ACACA: variants seen among roughly 807,000 people sequenced by gnomAD.
The protein encoded by ACACA is acetyl-CoA carboxylase 1.
In ACACA, 103 loss-of-function variants were observed where a neutral mutation model predicts 296.1. The observed-to-expected ratio is 0.35, with a 90% CI of 0.30 to 0.41. The LOEUF is 0.41. ACACA is among the 10% of genes least tolerant of loss of function. The pLI, the probability that ACACA is intolerant of heterozygous loss-of-function variation, is 1.00. For synonymous variants in ACACA, 953 were observed against 1,038.6 expected, an observed-to-expected ratio of 0.92 and a Z score of 1.58; for missense variants, 1,554 against 2,989.7, an observed-to-expected ratio of 0.52 and a Z score of 11.20.
chr17:37,269,051 A>G (rs1363054761), intron 10 of ACACA, among the ~76,000 whole-genome samples: 1 of 151,154 alleles, frequency 6.6e-6, no homozygotes, highest in Non-Finnish European at 1.5e-5. Flanking sequence ...AAATGTAAAA[A>G]AAAAAAAAAA....
chr17:37,127,060 G>A (rs1254130051), intron 47 of ACACA, among the ~76,000 whole-genome samples: 2 of 152,044 alleles, frequency 1.3e-5, no homozygotes, highest in African/African-American at 2.4e-5. Flanking sequence ...GAATTACTAG[G>A]GAGTCAATGA....
At chr17:37,222,314 C>T (rs982848821) in intron 28 of ACACA, among the ~76,000 whole-genome samples, 1 of 152,136 alleles carries the variant, frequency 6.6e-6, no homozygotes, top group South Asian at 2.1e-4. Context: ...CTTTGTCTTG[C>T]GTCCTCCCCG....
At chr17:37,327,427 A>T (rs1413484428) in intron 3 of ACACA, among the ~76,000 whole-genome samples, 1 of 152,196 alleles carries the variant, frequency 6.6e-6, no homozygotes, top group Admixed American at 6.5e-5. Context: ...TGGAACTGGC[A>T]TTGTCTCCTT....
rs780454825 is a variant in ACACA at position 37,113,141 on chromosome 17, A to C, written c.6399T>G (p.Ile2133Met). The change falls in exon 51 of 56, where the codon ATT becomes ATG. Residue 2133 changes from isoleucine to methionine, a missense_variant. By Grantham distance (10) the Ile-to-Met change is conservative. Coordinates refer to ENST00000616317, the MANE Select transcript of ACACA (RefSeq NM_198834.3). The surrounding 1 kb of genome is among the most constrained non-coding windows in gnomAD (Gnocchi z 4.0). ...AELRGGSWVV[I>M]DSSINPRHME... is the part of the protein sequence containing the mutation. ...TGTGCCGGGGGTTGATGGAGGAGTC[A>C]ATCACCACCCAGGAGCCACCCCGCA... 25 of 1,614,066 alleles carry C rather than the reference A, an allele frequency of 1.5e-5. No individual in the cohort carries two copies. Among genetic ancestry groups the C allele is most frequent in the Non-Finnish European group, 2.1e-5 (25 of 1,180,030 alleles).
At chr17:37,381,878 T>C (rs140941681) in intron 1 of ACACA, among the ~76,000 whole-genome samples, 6,320 of 151,368 alleles carry the variant, frequency 0.042, 342 homozygotes, top group African/African-American at 0.12. Context: ...CTGCCCGCCT[T>C]GGCCTCCCAA....
rs904691015 is a variant in ACACA at position 37,210,612 on chromosome 17, G to C, written c.3684-122C>G. On this transcript the variant is annotated intron_variant, in intron 29 of 55. Transcript: ENST00000616317. ...AGTTTGGCAGCTCTGGCATTCAGCA[G>C]ACATAATTAAGTGCTCATTACCCTT... 48 of 899,996 alleles carry C rather than the reference G, an allele frequency of 5.3e-5. No homozygotes were observed. In the African/African-American group the frequency reaches 5.4e-4, roughly 10 times the overall value. 55.8% of individuals were successfully genotyped at this position (899,996 alleles called of 1,614,324 possible). A position where few individuals can be genotyped will look rare whatever the true frequency, so the allele number is the denominator to read the frequency against.
At chr17:37,217,125 G>A (rs2079035120) in intron 29 of ACACA, among the ~76,000 whole-genome samples, 1 of 151,814 alleles carries the variant, frequency 6.6e-6, no homozygotes, top group East Asian at 1.9e-4. Context: ...GTGGGGTGTG[G>A]TGGTGTACGC....
intron 1 of ACACA, 107 bp downstream of exon 1, chr17:37,406,155 G>A: frequency 1.6e-6 from 2 of 1,277,762 alleles, no homozygotes; most frequent in South Asian, 2.4e-5. Context: ...AAATGAGACC[G>A]TATGTGTAAC....
intron 49 of ACACA, 122 bp from the exon 50 acceptor site, chr17:37,121,612 T>C: frequency 8.0e-7 from 1 of 1,249,820 alleles, no homozygotes; most frequent in Non-Finnish European, 1.1e-6. Context: ...ACAAAAACTA[T>C]TGTTCATCAA....
intron 54 of ACACA, among the ~76,000 whole-genome samples, chr17:37,094,792 G>C (rs1173168934): frequency 6.6e-6 from 1 of 152,226 alleles, no homozygotes; most frequent in East Asian, 1.9e-4. Context: ...CTCACGTTCA[G>C]TCCTTGGCAT....
chr17:37,381,840 G>C (rs1053573394), intron 1 of ACACA, among the ~76,000 whole-genome samples: 12 of 151,442 alleles, frequency 7.9e-5, no homozygotes, highest in Non-Finnish European at 1.5e-4. Flanking sequence ...TGTTGGCCAG[G>C]ATGGTCTCGA....
intron 30 of ACACA, among the ~76,000 whole-genome samples, chr17:37,208,278 T>C (rs1471154724): frequency 1.3e-5 from 2 of 152,178 alleles, no homozygotes; most frequent in African/African-American, 2.4e-5. Context: ...GAGATAGGTA[T>C]ATATATGTAT....
chr17:37,177,202 T>C (rs907477223), intron 41 of ACACA, among the ~76,000 whole-genome samples: 11 of 152,048 alleles, frequency 7.2e-5, no homozygotes, highest in African/African-American at 9.6e-5. Flanking sequence ...GTTTAAGACA[T>C]ATCTTTTCCA....
At chr17:37,404,734 C>A (rs1597816121) in intron 1 of ACACA, among the ~76,000 whole-genome samples, 1 of 151,928 alleles carries the variant, frequency 6.6e-6, no homozygotes, top group East Asian at 1.9e-4. Flanking sequence ...GTCACAATGC[C>A]CAGCTAATTT....
intron 29 of ACACA, 61 bp from the exon 30 acceptor site, chr17:37,210,551 TGTC>T: frequency 6.6e-7 from 1 of 1,522,434 alleles, no homozygotes. Context: ...ATAAAAGAAT[TGTC>T]AGAGCAGATA....
At chr17:37,404,358 T>C (rs1430572638) in intron 1 of ACACA, among the ~76,000 whole-genome samples, 1 of 152,150 alleles carries the variant, frequency 6.6e-6, no homozygotes, top group Non-Finnish European at 1.5e-5. Context: ...AACTACCATG[T>C]AAAAGGACAA....
chr17:37,092,659 G>C (rs1212272628), intron 54 of ACACA, among the ~76,000 whole-genome samples: 1 of 152,066 alleles, frequency 6.6e-6, no homozygotes, highest in Non-Finnish European at 1.5e-5. Context: ...CAGGGCCAAG[G>C]AGTGACCAGG....
At chr17:37,288,853 A>G (rs906280718) in intron 3 of ACACA, among the ~76,000 whole-genome samples, 1 of 151,932 alleles carries the variant, frequency 6.6e-6, no homozygotes, top group African/African-American at 2.4e-5. Context: ...AGCTATGATC[A>G]CACCACTGCA....
chr17:37,231,900 A>G (rs1871502057), intron 25 of ACACA, among the ~76,000 whole-genome samples: 2 of 152,266 alleles, frequency 1.3e-5, no homozygotes, highest in African/African-American at 4.8e-5. Context: ...CTATAAAGTT[A>G]AATTTAAGAA....
Sources: gnomAD v4.1 joint callset for allele counts (sites outside exome capture counted in the v4.1 genomes callset) on GRCh38, gnomAD v4.1.1 for gene constraint, Gnocchi (gnomAD v3.1) non-coding constraint, MANE v1.5 for transcripts, NCBI Gene and HGNC (gene_info 2026-07-23, HGNC 2026-07-21) for gene names.